Variants in PCNT observed in about 807,000 individuals in gnomAD.
The protein encoded by PCNT is pericentrin, also known as kendrin.
A neutral mutation model predicts 380.4 loss-of-function variants in PCNT; 319 were observed. The observed-to-expected ratio is 0.84, with a 90% confidence interval of 0.77 to 0.92. The LOEUF (loss-of-function observed/expected upper bound fraction) is 0.92. Ranked by LOEUF, PCNT falls within the 40% of genes least tolerant of loss-of-function variation. The pLI, the probability that PCNT is intolerant of heterozygous loss-of-function variation, is 0.00. For synonymous variants in PCNT, 1,845 were observed against 1,735.2 expected, an observed-to-expected ratio of 1.06 and a Z score of -1.57; for missense variants, 4,400 against 4,255.3, an observed-to-expected ratio of 1.03 and a Z score of -0.95.
chr21:46,369,954 G>A (rs527870506), intron 15 of PCNT, among the ~76,000 whole-genome samples: 41 of 152,190 alleles, frequency 2.7e-4, no homozygotes, highest in Non-Finnish European at 3.8e-4. Flanking sequence ...TGGAGGAGCC[G>A]GGGGAGCCGG....
chr21:46,353,726 G>C (rs1322860751), intron 10 of PCNT, among the ~76,000 whole-genome samples: 2 of 130,956 alleles, frequency 1.5e-5, no homozygotes, highest in African/African-American at 5.6e-5. Context: ...GTGTGTGTGT[G>C]TGTGTGTGTG....
At chr21:46,408,051 C>G (rs1484311445) in intron 27 of PCNT, among the ~76,000 whole-genome samples, 1 of 151,866 alleles carries the variant, frequency 6.6e-6, no homozygotes, top group Non-Finnish European at 1.5e-5. Flanking sequence ...TTTTAGTATA[C>G]AGTTTTATAA....
At chr21:46,326,613 T>A in intron 2 of PCNT, 24 bp downstream of exon 2, 3 of 1,596,414 alleles carry the variant, frequency 1.9e-6, no homozygotes, top group Non-Finnish European at 2.6e-6. Context: ...ATGTTGTATT[T>A]GAACATTTCG....
Position 46,428,552 on chromosome 21 carries a change from C to A in PCNT, c.7652C>A (p.Ala2551Glu), listed in dbSNP as rs12481791. Residue 2551 changes from alanine to glutamate, a missense_variant, in exon 35 of 47, where the codon GCG (alanine) becomes GAG (glutamate). Transcript: ENST00000359568. ...HLRTALTSAE[A>E]RGSQQEHQLR... Reference sequence around the variant, plus strand: ...CGCACGGCGCTGACAAGCGCAGAGGCGCGCGGGAGCCAGCAGGAGCACCAG... The same window carrying A: ...CGCACGGCGCTGACAAGCGCAGAGGAGCGCGGGAGCCAGCAGGAGCACCAG... 6.2e-7 allele frequency: 1 copy of A among 1,606,594 alleles called. No homozygotes were observed.
At chr21:46,444,457 T>G (rs1201042834) in intron 45 of PCNT, among the ~76,000 whole-genome samples, 1 of 152,068 alleles carries the variant, frequency 6.6e-6, no homozygotes. Flanking sequence ...GTCGAAGATG[T>G]AGCAAGCAAA....
chr21:46,365,915 G>A (rs1433467905), intron 14 of PCNT, among the ~76,000 whole-genome samples: 1 of 141,146 alleles, frequency 7.1e-6, no homozygotes, highest in Non-Finnish European at 1.5e-5. Flanking sequence ...CTGCCATGGG[G>A]TTCTATTCAT....
chr21:46,330,439 A>T (rs1435916856), intron 2 of PCNT, among the ~76,000 whole-genome samples: 1 of 152,140 alleles, frequency 6.6e-6, no homozygotes, highest in African/African-American at 2.4e-5. Context: ...TTCTTTATAC[A>T]TGTATAGGTA....
At chr21:46,325,624 T>C (rs2083365297) in intron 1 of PCNT, among the ~76,000 whole-genome samples, 1 of 152,274 alleles carries the variant, frequency 6.6e-6, no homozygotes, top group Admixed American at 6.5e-5. Flanking sequence ...CACAAATGTG[T>C]GTTCCATGCG....
chr21:46,427,235 C>T (rs2087545752), intron 33 of PCNT, among the ~76,000 whole-genome samples: 2 of 152,244 alleles, frequency 1.3e-5, no homozygotes. Context: ...CCTTGAATGG[C>T]CCTGGGCAGT....
Position 46,416,721 on chromosome 21 carries a change from T to C in PCNT, c.6803T>C (p.Leu2268Pro). Reference sequence around the variant, plus strand: ...CTGGGGGACAGGGCGGACACCTCGCTGCCACAGACCCAGGGGCCGGGGCTG... The same window carrying C: ...CTGGGGGACAGGGCGGACACCTCGCCGCCACAGACCCAGGGGCCGGGGCTG... ...TSLGDRADTS[L>P]PQTQGPGLLC... is the part of the protein sequence containing the mutation. The change falls in exon 30 of 47, where the codon CTG becomes CCG. Residue 2268 changes from leucine (L) to proline (P), a missense_variant. Transcript: ENST00000359568. The C allele has an allele frequency of 3.2e-6, 5 of 1,582,700 alleles. No individual in the cohort carries two copies. Among genetic ancestry groups the C allele is most frequent in the Non-Finnish European group, 4.3e-6 (5 of 1,162,192 alleles).
intron 41 of PCNT, 139 bp downstream of exon 41, chr21:46,438,476 T>C (rs764683576): frequency 4.7e-5 from 35 of 748,196 alleles, no homozygotes; most frequent in Non-Finnish European, 7.3e-5. Context: ...CCAGGCTCTG[T>C]TGCCTCTGTC....
In PCNT at chr21:46,335,780, G is replaced by T. The variant is rs147576675; in HGVS notation, c.639+1012G>T. Among the ~76,000 whole-genome samples the T allele has an allele frequency of 8.1e-3, 1,223 of 151,658 alleles. 18 individuals carry two copies. The highest frequency in any genetic ancestry group is 0.028 in the African/African-American group (1,155 of 41,330). ...GGCTTACTGTAACCTCCGCCTCCTG[G>T]GTTCAAGCGATTCTCCTGCCTCAGC... On this transcript the variant is annotated intron_variant, in intron 3 of 46. Transcript: ENST00000359568.
At chr21:46,393,819 C>A (rs1349820302) in intron 21 of PCNT, among the ~76,000 whole-genome samples, 1 of 152,198 alleles carries the variant, frequency 6.6e-6, no homozygotes, top group Admixed American at 6.5e-5. Flanking sequence ...GCCACAAAGC[C>A]TGGCCCACCA....
intron 3 of PCNT, among the ~76,000 whole-genome samples, chr21:46,342,845 A>G (rs551335380): frequency 6.6e-6 from 1 of 152,250 alleles, no homozygotes; most frequent in Admixed American, 6.5e-5. Flanking sequence ...TTCTTTCAGC[A>G]GTGTTTTGTG....
rs1184124109 is a variant in PCNT at position 46,391,289 on chromosome 21, C to CAGG, written c.4132_4134dup (p.Glu1378dup). The CAGG allele has an allele frequency of 1.3e-6, 2 of 1,582,412 alleles. No individual in the cohort carries two copies. The highest frequency in any genetic ancestry group is 1.7e-6 in the Non-Finnish European group (2 of 1,164,428). On this transcript the variant is annotated inframe_insertion, in exon 21 of 47. Transcript: ENST00000359568. ...GAGACGGCAGCTGCAGCAGGCGGCC[C>CAGG]AGGAGCAGGCGGCGCTGAGGGAGGA...
At chr21:46,412,207 C>T (rs12482277) in intron 28 of PCNT, 140 bp downstream of exon 28, 1 of 1,030,996 alleles carries the variant, frequency 9.7e-7, no homozygotes, top group South Asian at 1.6e-5. Flanking sequence ...GAAAGGGGGC[C>T]TGAAGCTCGG....
At chr21:46,373,749 T>TTG (rs374962143) in intron 15 of PCNT, among the ~76,000 whole-genome samples, 4,415 of 81,024 alleles carry the variant, frequency 0.054, 147 homozygotes, top group Non-Finnish European at 0.069. Flanking sequence ...TTTTTTTTTT[T>TTG]GGGCGGAGTC....
intron 1 of PCNT, chr21:46,324,725 G>T: frequency 4.0e-6 from 1 of 249,850 alleles, no homozygotes; most frequent in Non-Finnish European, 6.4e-6. Context: ...CTCCGGGACC[G>T]GGTGGCCTGG....
intron 26 of PCNT, 21 bp from the exon 27 acceptor site, chr21:46,402,307 TTTC>T (rs2086454162): frequency 2.5e-5 from 38 of 1,517,174 alleles, no homozygotes; most frequent in Middle Eastern, 2.0e-4. Flanking sequence ...TTTTAATACT[TTTC>T]TTCTTTTGTT....
Sources: allele counts gnomAD v4.1 joint callset (sites outside exome capture counted in the v4.1 genomes callset), GRCh38; gene constraint gnomAD v4.1.1; transcripts MANE v1.5; gene names NCBI Gene and HGNC (gene_info 2026-07-23, HGNC 2026-07-21).